FAM114A2: variants seen among roughly 807,000 people sequenced by gnomAD.
FAM114A2 encodes family with sequence similarity 114 member A2.
A neutral mutation model predicts 58.4 loss-of-function variants in FAM114A2; 53 were observed. That is an observed-to-expected ratio of 0.91 (90% CI 0.73 to 1.14). The LOEUF (loss-of-function observed/expected upper bound fraction) is 1.14. Among genes scored for constraint, FAM114A2 ranks in the 50% most tolerant of loss-of-function variants. The pLI is 0.00. For missense variants in FAM114A2, 601 were observed against 581.1 expected (o/e 1.03, Z -0.35); for synonymous variants, 228 against 211.4 (o/e 1.08, Z -0.68).
chr5:153,997,993 T>TACAG, intron 11 of FAM114A2, 118 bp from the exon 12 acceptor site: 1 of 633,730 alleles, frequency 1.6e-6, no homozygotes, highest in Non-Finnish European at 2.7e-6. Flanking sequence ...AGAAGAAAGC[T>TACAG]TTTCAAGGGA....
chr5:154,034,745 T>C lies in FAM114A2; in HGVS notation c.209A>G (p.Gln70Arg). ...DLETSKVLPI[Q>R]DNVSKDVPQT... is the part of the protein sequence containing the mutation. Reference sequence around the variant, plus strand: ...TACTTTTTCTGTGGTCTGTGATACCTGAATAGGGAGAACTTTTGAAGTCTC... The same window carrying C: ...TACTTTTTCTGTGGTCTGTGATACCCGAATAGGGAGAACTTTTGAAGTCTC... Residue 70 changes from glutamine to arginine, a missense_variant and splice_region_variant, in exon 2 of 14, where the codon CAG (glutamine) becomes CGG (arginine). By Grantham distance (43) the Gln-to-Arg change is conservative. Transcript: ENST00000351797. 1 of 1,606,846 alleles carries C rather than the reference T, an allele frequency of 6.2e-7. No homozygotes were observed. Among genetic ancestry groups the C allele is most frequent in the Non-Finnish European group, 8.5e-7 (1 of 1,173,370 alleles).
At chr5:154,011,209 A>G in intron 9 of FAM114A2, 32 bp downstream of exon 9, 1 of 1,489,088 alleles carries the variant, frequency 6.7e-7, no homozygotes, top group Non-Finnish European at 9.3e-7. Flanking sequence ...TACAAGTAAA[A>G]TAATGAAAAT....
intron 8 of FAM114A2, among the ~76,000 whole-genome samples, chr5:154,015,563 G>A (rs559677168): frequency 2.0e-5 from 3 of 152,094 alleles, no homozygotes; most frequent in Admixed American, 2.0e-4. Context: ...ACATCCTTAG[G>A]AAAAGGGGGA....
chr5:154,019,644 C>T (rs1191519233), intron 8 of FAM114A2, among the ~76,000 whole-genome samples: 1 of 152,028 alleles, frequency 6.6e-6, no homozygotes, highest in South Asian at 2.1e-4. Context: ...ACTATAAGAC[C>T]ATAGTCACCA....
intron 8 of FAM114A2, among the ~76,000 whole-genome samples, chr5:154,013,428 T>A (rs1309776783): frequency 6.6e-6 from 1 of 152,198 alleles, no homozygotes; most frequent in African/African-American, 2.4e-5. Flanking sequence ...CATAGAGACA[T>A]AATTAAATAC....
intron 9 of FAM114A2, among the ~76,000 whole-genome samples, chr5:154,007,266 G>A (rs1395121279): frequency 6.6e-6 from 1 of 152,098 alleles, no homozygotes; most frequent in Non-Finnish European, 1.5e-5. Context: ...CCCACTTGTT[G>A]AGATCTGCAG....
intron 13 of FAM114A2, among the ~76,000 whole-genome samples, chr5:153,993,475 T>C (rs6887950): frequency 0.011 from 1,699 of 152,308 alleles, 43 homozygotes; most frequent in African/African-American, 0.038. Context: ...CAGAAGGCTA[T>C]AAATCCTACA....
intron 11 of FAM114A2, among the ~76,000 whole-genome samples, chr5:154,001,584 A>T (rs1443771414): frequency 6.6e-6 from 1 of 152,094 alleles, no homozygotes; most frequent in Non-Finnish European, 1.5e-5. Flanking sequence ...AATAATGGGC[A>T]CTCTTATACA....
At chr5:154,037,517 G>A (rs1478474838) in intron 1 of FAM114A2, among the ~76,000 whole-genome samples, 1 of 152,170 alleles carries the variant, frequency 6.6e-6, no homozygotes, top group Non-Finnish European at 1.5e-5. Context: ...TAGGAAAGAC[G>A]AGACAGTTTT....
rs1772797791 is a variant in FAM114A2, at chr5:154,038,852, C to T, written c.-15+5G>A. On this transcript the variant is annotated splice_donor_5th_base_variant and intron_variant, in intron 1 of 13. Coordinates refer to ENST00000351797, the MANE Select transcript of FAM114A2 (RefSeq NM_018691.4). Reference sequence around the variant, plus strand: ...CCCTCCTGCCTCGTTCAGGAAGCTCCGCACCTATCCGGCCGCCACCCTCAG... The same window carrying T: ...CCCTCCTGCCTCGTTCAGGAAGCTCTGCACCTATCCGGCCGCCACCCTCAG... The T allele has an allele frequency of 6.6e-6, 1 of 152,568 alleles. No individual in the cohort carries two copies. The highest frequency in any genetic ancestry group is 1.5e-5 in the Non-Finnish European group (1 of 68,338). The allele number at this position is 152,568 out of a possible 1,614,324, so 9.5% of individuals were successfully genotyped here.
At chr5:154,010,974 T>A (rs772571773) in intron 9 of FAM114A2, among the ~76,000 whole-genome samples, 2 of 152,136 alleles carry the variant, frequency 1.3e-5, no homozygotes, top group Non-Finnish European at 2.9e-5. Flanking sequence ...ATGACCAACA[T>A]TGTAGACTAA....
Position 154,031,312 on chromosome 5 carries a change from C to CAAAAAAAAAAAAAAAAAA in FAM114A2, c.404-1733_404-1732insTTTTTTTTTTTTTTTTTT, listed in dbSNP as rs59757780. Among the ~76,000 whole-genome samples, 65 of 47,826 alleles carry CAAAAAAAAAAAAAAAAAA rather than the reference C, an allele frequency of 1.4e-3. 14 individuals are homozygous for CAAAAAAAAAAAAAAAAAA. In the East Asian group the frequency reaches 0.03, roughly 22 times the overall value. 31.4% of individuals were successfully genotyped at this position (47,826 alleles called of 152,430 possible). Reference sequence around the variant, plus strand: ...GGGCGACAGAGTGAGACTCCCTCTCCAAAAAAAAAAAAAAAAGCCTTAAAG... The same window carrying CAAAAAAAAAAAAAAAAAA: ...GGGCGACAGAGTGAGACTCCCTCTCCAAAAAAAAAAAAAAAAAAAAAAAAAAAAAAAAAAGCCTTAAAG... On this transcript the variant is annotated intron_variant, in intron 4 of 13. Coordinates refer to ENST00000351797, the MANE Select transcript of FAM114A2 (RefSeq NM_018691.4).
chr5:154,027,345 A>G lies in FAM114A2; in HGVS notation c.631-11T>C. 1 of 1,607,120 alleles carries G rather than the reference A, an allele frequency of 6.2e-7. No homozygotes were observed. Among genetic ancestry groups the G allele is most frequent in the Non-Finnish European group, 8.5e-7 (1 of 1,177,256 alleles). Reference sequence around the variant, plus strand: ...CGCCTCTCGTAAAACCTAAAAAGAGATGGAGGCATTACACTGTAGCAAACA... The same window carrying G: ...CGCCTCTCGTAAAACCTAAAAAGAGGTGGAGGCATTACACTGTAGCAAACA... On this transcript the variant is annotated splice_polypyrimidine_tract_variant and intron_variant, in intron 6 of 13. Transcript: ENST00000351797.
At chr5:154,033,949 T>C in intron 3 of FAM114A2, 66 bp from the exon 4 acceptor site, 2 of 983,594 alleles carry the variant, frequency 2.0e-6, no homozygotes, top group Admixed American at 2.1e-5. Flanking sequence ...AAAATCAAAC[T>C]TGAAGATTTT....
chr5:154,017,414 C>T (rs1325768609), intron 8 of FAM114A2, among the ~76,000 whole-genome samples: 2 of 152,140 alleles, frequency 1.3e-5, no homozygotes, highest in Non-Finnish European at 2.9e-5. Context: ...TGCACTCCAG[C>T]CTGGGCAACA....
chr5:154,006,857 C>T (rs2113279952), intron 9 of FAM114A2, among the ~76,000 whole-genome samples: 1 of 148,102 alleles, frequency 6.8e-6, no homozygotes, highest in Admixed American at 6.8e-5. Flanking sequence ...AGTGCAGTGG[C>T]ATGATCTCAG....
chr5:153,998,869 A>G (rs1215253195), intron 11 of FAM114A2, among the ~76,000 whole-genome samples: 1 of 152,244 alleles, frequency 6.6e-6, no homozygotes, highest in Non-Finnish European at 1.5e-5. Context: ...CAATTCAGAT[A>G]TGCCAAAGAG....
chr5:154,008,929 G>A (rs1770520987), intron 9 of FAM114A2, among the ~76,000 whole-genome samples: 1 of 152,172 alleles, frequency 6.6e-6, no homozygotes, highest in Non-Finnish European at 1.5e-5. Flanking sequence ...GAAAAACCCT[G>A]TAGGGATGGA....
intron 1 of FAM114A2, among the ~76,000 whole-genome samples, chr5:154,035,470 C>T (rs1213972692): frequency 6.6e-6 from 1 of 152,118 alleles, no homozygotes; most frequent in African/African-American, 2.4e-5. Context: ...TTGACATTGA[C>T]TTTTTTCACT....
Sources: allele counts gnomAD v4.1 joint callset (sites outside exome capture counted in the v4.1 genomes callset), GRCh38; gene constraint gnomAD v4.1.1; transcripts MANE v1.5; gene names NCBI Gene and HGNC (gene_info 2026-07-23, HGNC 2026-07-21).